ADGRL2: variants seen among roughly 807,000 people sequenced by gnomAD.
ADGRL2 encodes the protein adhesion G protein-coupled receptor L2, also known as calcium-independent alpha-latrotoxin receptor 2.
ADGRL2 carries 44 observed loss-of-function variants against 157.4 expected under a neutral mutation model. The ratio of observed to expected loss-of-function variants is 0.28; its 90% confidence interval spans 0.22 to 0.36. ADGRL2 has a LOEUF of 0.36. Ranked by LOEUF, ADGRL2 falls within the 10% of genes least tolerant of loss-of-function variation. ADGRL2 has a pLI of 1.00. For synonymous variants in ADGRL2, 585 were observed against 624.7 expected, an observed-to-expected ratio of 0.94 and a Z score of 0.95; for missense variants, 1,510 against 1,768.9, an observed-to-expected ratio of 0.85 and a Z score of 2.63.
intron 1 of ADGRL2, among the ~76,000 whole-genome samples, chr1:81,412,107 T>C (rs2076955818): frequency 6.6e-6 from 1 of 152,144 alleles, no homozygotes; most frequent in Non-Finnish European, 1.5e-5. Flanking sequence ...ATACTCACTA[T>C]AAGATATACA....
chr1:81,827,941 C>T (rs189721487), intron 1 of ADGRL2, among the ~76,000 whole-genome samples: 15 of 152,278 alleles, frequency 9.9e-5, no homozygotes, highest in Non-Finnish European at 1.9e-4. Context: ...TTTACCTTTA[C>T]ATTAACATTT....
At chr1:81,875,810 G>A (rs2093824797) in intron 2 of ADGRL2, among the ~76,000 whole-genome samples, 1 of 152,030 alleles carries the variant, frequency 6.6e-6, no homozygotes, top group Admixed American at 6.6e-5. Flanking sequence ...TTGCATTTTT[G>A]TAATATTGTT....
intron 3 of ADGRL2, among the ~76,000 whole-genome samples, chr1:81,667,402 T>G (rs187399976): frequency 1.3e-3 from 194 of 152,344 alleles, no homozygotes; most frequent in Non-Finnish European, 2.0e-3. Flanking sequence ...TCTAATTATG[T>G]TCGTGAATAT....
intron 1 of ADGRL2, among the ~76,000 whole-genome samples, chr1:81,723,386 A>G (rs907212553): frequency 2.0e-5 from 3 of 152,244 alleles, no homozygotes; most frequent in African/African-American, 7.2e-5. Context: ...ACTAGGAATT[A>G]CAAACTTTAA....
rs531904685 is a variant in ADGRL2, at chr1:81,402,688, A to G, written c.-301-42348A>G. On this transcript the variant is annotated intron_variant, in intron 1 of 24. Coordinates refer to the ADGRL2 transcript ENST00000370721. ...GACCTTGTTTTTCCTATTGTCTTCCATTTTCTTAGTATTATATTTTGTCCT... is the reference window on the plus strand; with the variant it reads ...GACCTTGTTTTTCCTATTGTCTTCCGTTTTCTTAGTATTATATTTTGTCCT... Among the ~76,000 whole-genome samples the G allele has an allele frequency of 2.6e-5, 4 of 152,256 alleles. No homozygotes were observed. In the East Asian group the frequency reaches 7.7e-4, roughly 29 times the overall value.
intron 3 of ADGRL2, among the ~76,000 whole-genome samples, chr1:81,933,865 TC>T (rs1249034832): frequency 3.9e-5 from 6 of 152,166 alleles, no homozygotes; most frequent in African/African-American, 1.4e-4. Context: ...GTTCTAATTT[TC>T]TTGTACTTTT....
At chr1:81,792,769 CAT>C (rs2149424220) in intron 2 of ADGRL2, among the ~76,000 whole-genome samples, 1 of 152,056 alleles carries the variant, frequency 6.6e-6, no homozygotes, top group African/African-American at 2.4e-5. Context: ...CAATATTTAA[CAT>C]AAAGTGTTTG....
chr1:81,636,631 G>A (rs1381401255), intron 3 of ADGRL2, among the ~76,000 whole-genome samples: 1 of 152,028 alleles, frequency 6.6e-6, no homozygotes, highest in Admixed American at 6.6e-5. Flanking sequence ...TTCTGGCCCA[G>A]TTTTCCCCAA....
At position 81,662,094 on chromosome 1, in the gene ADGRL2, G is replaced by A. The variant is rs543306775; in HGVS notation, c.-143+81114G>A. ...TGATGTAGATGTGCAGTGTGAAATA[G>A]CACATGATGGAGAATGGGGTATCCA... On this transcript the variant is annotated intron_variant, in intron 3 of 24. Transcript: ENST00000370721. 5.3e-5 allele frequency among the ~76,000 whole-genome samples: 8 copies of A among 152,134 alleles called. No homozygotes were observed. The South Asian group carries it at 8.3e-4, about 16-fold the overall frequency.
At chr1:81,318,269 A>G (rs866395752) in intron 1 of ADGRL2, among the ~76,000 whole-genome samples, 3 of 152,320 alleles carry the variant, frequency 2.0e-5, no homozygotes, top group African/African-American at 7.2e-5. Flanking sequence ...TAGTCAGTGA[A>G]GCCAAGATTA....
intron 1 of ADGRL2, among the ~76,000 whole-genome samples, chr1:81,829,177 G>C (rs564482711): frequency 1.3e-5 from 2 of 152,254 alleles, no homozygotes; most frequent in East Asian, 1.9e-4. Context: ...CTCCCAAAGT[G>C]CTGAGATTAC....
chr1:81,738,890 C>T (rs1376855845), intron 1 of ADGRL2, among the ~76,000 whole-genome samples: 5 of 152,178 alleles, frequency 3.3e-5, no homozygotes. Flanking sequence ...AACAATTAAC[C>T]TGGTTATAAG....
chr1:81,977,756 T>G (rs1473982969), intron 17 of ADGRL2, among the ~76,000 whole-genome samples: 3 of 151,708 alleles, frequency 2.0e-5, no homozygotes, highest in Non-Finnish European at 4.4e-5. Context: ...TAGAAAATTA[T>G]GAACACCAAA....
chr1:81,732,089 T>A (rs1053532306), intron 1 of ADGRL2, among the ~76,000 whole-genome samples: 1 of 152,116 alleles, frequency 6.6e-6, no homozygotes, highest in African/African-American at 2.4e-5. Context: ...CTGTGAGAAA[T>A]CCATATATTT....
chr1:81,474,524 T>C (rs767872047), intron 2 of ADGRL2, among the ~76,000 whole-genome samples: 2 of 152,178 alleles, frequency 1.3e-5, no homozygotes, highest in Non-Finnish European at 2.9e-5. Flanking sequence ...GACACTTGTG[T>C]TCAGAAAAGC....
chr1:81,452,415 C>G (rs1054181970), intron 2 of ADGRL2, among the ~76,000 whole-genome samples: 3 of 152,074 alleles, frequency 2.0e-5, no homozygotes, highest in Non-Finnish European at 4.4e-5. Flanking sequence ...TACTGAACAC[C>G]TTTATCTCAA....
intron 1 of ADGRL2, among the ~76,000 whole-genome samples, chr1:81,736,502 C>T (rs978217382): frequency 2.6e-5 from 4 of 152,032 alleles, no homozygotes; most frequent in Non-Finnish European, 2.9e-5. Flanking sequence ...TTGGGTTATT[C>T]GATTATTCAG....
At chr1:81,378,167 G>A (rs1406223203) in intron 1 of ADGRL2, among the ~76,000 whole-genome samples, 1 of 132,492 alleles carries the variant, frequency 7.5e-6, no homozygotes, top group Non-Finnish European at 1.6e-5. Context: ...AATAGAGAGA[G>A]ACTCTGTCTC....
At chr1:81,882,336 C>A (rs2151240883) in intron 2 of ADGRL2, among the ~76,000 whole-genome samples, 1 of 152,220 alleles carries the variant, frequency 6.6e-6, no homozygotes, top group East Asian at 1.9e-4. Flanking sequence ...AAATGTCCCA[C>A]ATAGTTAGGA....
Sources: gnomAD v4.1 joint callset for allele counts (sites outside exome capture counted in the v4.1 genomes callset) on GRCh38, gnomAD v4.1.1 for gene constraint, MANE v1.5 for transcripts, NCBI Gene and HGNC (gene_info 2026-07-23, HGNC 2026-07-21) for gene names.